The following EPHA6 variants were observed in gnomAD, a reference collection of about 807,000 sequenced individuals.
EPHA6 encodes EPH receptor A6.
EPHA6 carries 50 observed loss-of-function variants against 112.0 expected under a neutral mutation model. The ratio of observed to expected loss-of-function variants is 0.45; its 90% CI spans 0.36 to 0.56. The LOEUF (loss-of-function observed/expected upper bound fraction) is 0.56. EPHA6 is among the 20% of genes least tolerant of loss of function. The pLI, the probability that EPHA6 is intolerant of heterozygous loss-of-function variation, is 0.00. For missense variants in EPHA6, 1,280 were observed against 1,417.4 expected (o/e 0.90, Z 1.56); for synonymous variants, 529 against 490.7 (o/e 1.08, Z -1.03).
chr3:97,722,424 C>CA (rs952535470), intron 15 of EPHA6, among the ~76,000 whole-genome samples: 2 of 152,168 alleles, frequency 1.3e-5, no homozygotes, highest in Non-Finnish European at 2.9e-5. Context: ...AGAGAAGTGA[C>CA]ATATTTCCTT....
In EPHA6 at chr3:97,754,662, T is replaced by C. The variant is rs1455477349; in HGVS notation, c.*5961T>C. Among the ~76,000 whole-genome samples, 1 of 152,238 alleles carries C rather than the reference T, an allele frequency of 6.6e-6. No homozygotes were observed. The highest frequency in any genetic ancestry group is 2.4e-5 in the African/African-American group (1 of 41,466). On this transcript the variant is annotated 3_prime_UTR_variant, in exon 18 of 18. Transcript: ENST00000389672. ...TATATCTCAGTGACATCAAGTGATT[T>C]TTGCACTGTCCCATTGAAAGCAAAG...
intron 1 of EPHA6, among the ~76,000 whole-genome samples, chr3:96,844,229 C>A (rs1293179204): frequency 6.6e-6 from 1 of 151,990 alleles, no homozygotes; most frequent in Non-Finnish European, 1.5e-5. Flanking sequence ...CTAGTGATTT[C>A]CTCAAACTAT....
At chr3:97,325,262 C>T (rs562349915) in intron 5 of EPHA6, among the ~76,000 whole-genome samples, 1 of 152,234 alleles carries the variant, frequency 6.6e-6, no homozygotes, top group East Asian at 1.9e-4. Flanking sequence ...TATTTCTTGC[C>T]TATTTGGAAG....
intron 3 of EPHA6, among the ~76,000 whole-genome samples, chr3:97,073,635 C>A (rs888438650): frequency 9.2e-5 from 14 of 151,976 alleles, no homozygotes; most frequent in African/African-American, 2.9e-4. Flanking sequence ...TCAAACAATT[C>A]AACAGGATAT....
chr3:96,948,484 A>G (rs2041382669), intron 2 of EPHA6, among the ~76,000 whole-genome samples: 1 of 152,214 alleles, frequency 6.6e-6, no homozygotes. Flanking sequence ...GAAAGTCAGG[A>G]GAAGGAATAT....
At chr3:97,085,320 C>G (rs143121030) in intron 3 of EPHA6, among the ~76,000 whole-genome samples, 6 of 152,172 alleles carry the variant, frequency 3.9e-5, no homozygotes, top group Admixed American at 3.3e-4. Context: ...CTTTTTCTCT[C>G]AGAAGATCAT....
intron 3 of EPHA6, among the ~76,000 whole-genome samples, chr3:97,082,413 T>C (rs2046751644): frequency 6.6e-6 from 1 of 151,938 alleles, no homozygotes; most frequent in South Asian, 2.1e-4. Flanking sequence ...TAAAAATATA[T>C]GTTCACTTGA....
intron 6 of EPHA6, among the ~76,000 whole-genome samples, chr3:97,443,359 C>CA (rs5851066): frequency 0.079 from 5,310 of 67,368 alleles, 221 homozygotes; most frequent in African/African-American, 0.14. Context: ...TAAGACATCG[C>CA]AAAAAAAAAA....
intron 7 of EPHA6, among the ~76,000 whole-genome samples, chr3:97,474,888 A>G (rs186009275): frequency 2.6e-5 from 4 of 152,182 alleles, no homozygotes; most frequent in African/African-American, 7.2e-5. Flanking sequence ...ATTAAGTTCT[A>G]TGAAGTATAA....
chr3:97,220,537 G>A (rs1241539967), intron 3 of EPHA6, among the ~76,000 whole-genome samples: 1 of 152,168 alleles, frequency 6.6e-6, no homozygotes, highest in Non-Finnish European at 1.5e-5. Flanking sequence ...GAAGGCAAAG[G>A]GGAAGCAAGG....
At chr3:97,170,657 A>G (rs2076674206) in intron 3 of EPHA6, among the ~76,000 whole-genome samples, 1 of 152,108 alleles carries the variant, frequency 6.6e-6, no homozygotes, top group Non-Finnish European at 1.5e-5. Context: ...GAATTGCCTG[A>G]GCCCAGGAGG....
At chr3:97,190,489 A>T (rs546086919) in intron 3 of EPHA6, among the ~76,000 whole-genome samples, 2 of 152,164 alleles carry the variant, frequency 1.3e-5, no homozygotes, top group East Asian at 3.9e-4. Flanking sequence ...GCAGTTACTC[A>T]TGTTGGTAGC....
intron 3 of EPHA6, among the ~76,000 whole-genome samples, chr3:97,183,292 A>T (rs1051952263): frequency 6.6e-6 from 1 of 152,134 alleles, no homozygotes; most frequent in East Asian, 1.9e-4. Context: ...AATTAAGTAC[A>T]ATTCCATAAC....
At chr3:96,988,445 A>G (rs2043099170) in intron 3 of EPHA6, among the ~76,000 whole-genome samples, 1 of 152,182 alleles carries the variant, frequency 6.6e-6, no homozygotes. Context: ...GAGATTCAAA[A>G]TAGTGATTTC....
intron 2 of EPHA6, among the ~76,000 whole-genome samples, chr3:96,920,916 A>G (rs1576037480): frequency 6.6e-6 from 1 of 152,062 alleles, no homozygotes; most frequent in African/African-American, 2.4e-5. Context: ...TTTAAGGGGA[A>G]CAAAATTTTA....
intron 3 of EPHA6, among the ~76,000 whole-genome samples, chr3:97,178,117 T>G (rs1484019009): frequency 6.6e-6 from 1 of 151,974 alleles, no homozygotes; most frequent in Non-Finnish European, 1.5e-5. Flanking sequence ...TATGTTTTTG[T>G]GTATGAAGTT....
At chr3:96,885,771 G>T (rs6793366) in intron 2 of EPHA6, among the ~76,000 whole-genome samples, 2,041 of 151,908 alleles carry the variant, frequency 0.013, 50 homozygotes, top group African/African-American at 0.045. Flanking sequence ...CTGGGTTTGG[G>T]TTTGGTTTGT....
intron 13 of EPHA6, among the ~76,000 whole-genome samples, chr3:97,617,216 C>T (rs1019312828): frequency 7.2e-5 from 11 of 151,972 alleles, no homozygotes; most frequent in African/African-American, 2.7e-4. Flanking sequence ...CCTTTTCAGA[C>T]AAGTAAATGC....
intron 15 of EPHA6, among the ~76,000 whole-genome samples, chr3:97,726,359 C>T (rs910899949): frequency 1.8e-4 from 27 of 152,110 alleles, no homozygotes; most frequent in Admixed American, 6.6e-5. Context: ...ATTATGCATG[C>T]TCCTCTATCA....
Sources: allele counts gnomAD v4.1 joint callset (sites outside exome capture counted in the v4.1 genomes callset), GRCh38; gene constraint gnomAD v4.1.1; transcripts MANE v1.5; gene names NCBI Gene and HGNC (gene_info 2026-07-23, HGNC 2026-07-21).